The following PARD3B variants were observed in gnomAD, a reference collection of about 807,000 sequenced individuals.
PARD3B encodes par-3 family cell polarity regulator beta.
PARD3B carries 103 observed loss-of-function variants against 130.2 expected under a neutral mutation model. The ratio of observed to expected loss-of-function variants is 0.79; its 90% CI spans 0.67 to 0.93. PARD3B has a LOEUF of 0.93. Ranked by LOEUF, PARD3B falls within the 40% of genes least tolerant of loss-of-function variation. The pLI is 0.00. For missense variants in PARD3B, 1,609 were observed against 1,499.2 expected, an observed-to-expected ratio of 1.07 and a Z score of -1.21; for synonymous variants, 583 against 553.2, an observed-to-expected ratio of 1.05 and a Z score of -0.76.
chr2:205,380,956 A>ATATAATATATAATG (rs2045387914), intron 18 of PARD3B, among the ~76,000 whole-genome samples: 1 of 94,196 alleles, frequency 1.1e-5, no homozygotes, highest in Non-Finnish European at 1.9e-5. Context: ...TATATAATGT[A>ATATAATATATAATG]TATAATATCT....
intron 15 of PARD3B, among the ~76,000 whole-genome samples, chr2:205,240,077 A>T (rs1176377147): frequency 2.6e-5 from 4 of 152,204 alleles, no homozygotes; most frequent in South Asian, 4.1e-4. Context: ...TCATTGACAT[A>T]CGAAAACACT....
chr2:204,972,764 G>A (rs1405582134), intron 3 of PARD3B, among the ~76,000 whole-genome samples: 1 of 152,028 alleles, frequency 6.6e-6, no homozygotes, highest in Admixed American at 6.5e-5. Context: ...ACCAATGCTG[G>A]ACCCACACTG....
At chr2:205,221,897 A>G (rs190816897) in intron 15 of PARD3B, among the ~76,000 whole-genome samples, 1 of 152,264 alleles carries the variant, frequency 6.6e-6, no homozygotes, top group Admixed American at 6.5e-5. Flanking sequence ...AATTATTTTT[A>G]AAAACATTAT....
chr2:205,410,423 T>C (rs2046557275), intron 19 of PARD3B, among the ~76,000 whole-genome samples: 1 of 152,202 alleles, frequency 6.6e-6, no homozygotes, highest in African/African-American at 2.4e-5. Context: ...TTATTCATTT[T>C]CGTGGCATTG....
intron 1 of PARD3B, among the ~76,000 whole-genome samples, chr2:204,592,977 G>A (rs2033138839): frequency 6.6e-6 from 1 of 152,178 alleles, no homozygotes; most frequent in African/African-American, 2.4e-5. Context: ...TTTTATGGCT[G>A]AATAAATTCT....
intron 3 of PARD3B, among the ~76,000 whole-genome samples, chr2:205,012,056 T>A (rs1306294993): frequency 6.6e-6 from 1 of 152,146 alleles, no homozygotes; most frequent in Non-Finnish European, 1.5e-5. Context: ...CCCCAATTCC[T>A]GAGCTTTCCT....
chr2:204,667,570 T>G (rs1471934199), intron 1 of PARD3B, among the ~76,000 whole-genome samples: 2 of 152,130 alleles, frequency 1.3e-5, no homozygotes, highest in Non-Finnish European at 2.9e-5. Flanking sequence ...GACTCACATT[T>G]TCCACCTTCC....
intron 1 of PARD3B, among the ~76,000 whole-genome samples, chr2:204,670,645 A>G (rs969912830): frequency 6.6e-6 from 1 of 152,190 alleles, no homozygotes; most frequent in Non-Finnish European, 1.5e-5. Context: ...TTATAGCTAT[A>G]ACTCAAGCTA....
At chr2:204,917,737 T>C (rs1009706147) in intron 2 of PARD3B, among the ~76,000 whole-genome samples, 4 of 152,222 alleles carry the variant, frequency 2.6e-5, no homozygotes, top group African/African-American at 9.7e-5. Flanking sequence ...GTATTTTCCT[T>C]TTATTCAGAG....
chr2:204,702,702 G>A (rs1240841334), intron 2 of PARD3B, among the ~76,000 whole-genome samples: 1 of 152,040 alleles, frequency 6.6e-6, no homozygotes, highest in African/African-American at 2.4e-5. Context: ...AGCCTCACAA[G>A]TAGCTGGGAT....
chr2:204,907,274 G>A lies in PARD3B; in HGVS notation c.223-57878G>A, dbSNP rs1226594477. ...GGATTACCATGAAAGCTTTTATTTA[G>A]CAACTGGGAAAGTACCTGTGGAGGA... On this transcript the variant is annotated intron_variant, in intron 2 of 22. Coordinates refer to ENST00000406610, the MANE Select transcript of PARD3B (RefSeq NM_001302769.2). This position sits in a 1 kb window ranked among gnomAD's most constrained non-coding sequence, Gnocchi z 5.7. 6.6e-6 allele frequency among the ~76,000 whole-genome samples: 1 copy of A among 152,108 alleles called. No homozygotes were observed. Among genetic ancestry groups the A allele is most frequent in the Non-Finnish European group, 1.5e-5 (1 of 68,010 alleles).
At chr2:204,948,500 A>G (rs1488764533) in intron 2 of PARD3B, among the ~76,000 whole-genome samples, 2 of 152,196 alleles carry the variant, frequency 1.3e-5, no homozygotes, top group African/African-American at 4.8e-5. Context: ...AGATTTGACT[A>G]GATAAATGGG....
In PARD3B at chr2:205,229,426, T is replaced by C. The variant is rs904835840; in HGVS notation, c.2141-16352T>C. Among the ~76,000 whole-genome samples, 8 of 152,218 alleles carry C rather than the reference T, an allele frequency of 5.3e-5. No individual in the cohort carries two copies. The highest frequency in any genetic ancestry group is 1.0e-4 in the Non-Finnish European group (7 of 68,024). ...TTGTAGAGGTGCCATGTTGGTGGTC[T>C]TGGATAAGATCTGGGAGAATTAATT... On this transcript the variant is annotated intron_variant, in intron 15 of 22. Transcript: ENST00000406610. This position sits in a 1 kb window ranked among gnomAD's most constrained non-coding sequence, Gnocchi z 5.2.
chr2:205,183,509 G>C lies in PARD3B; in HGVS notation c.1925-2255G>C, dbSNP rs746258783. ...GCTGCCACCACTAACAAATCAATGG[G>C]CCCCTAGGGTTGGAGGTGGTGCAGG... is the stretch of plus-strand genomic sequence containing the variant. On this transcript the variant is annotated intron_variant, in intron 13 of 22. Transcript: ENST00000406610. The surrounding 1 kb of genome is among the most constrained non-coding windows in gnomAD (Gnocchi z 5.2). 6.6e-6 allele frequency among the ~76,000 whole-genome samples: 1 copy of C among 152,096 alleles called. No homozygotes were observed. Among genetic ancestry groups the C allele is most frequent in the South Asian group, 2.1e-4 (1 of 4,820 alleles).
At chr2:204,563,278 C>G (rs542623026) in intron 1 of PARD3B, among the ~76,000 whole-genome samples, 2 of 119,526 alleles carry the variant, frequency 1.7e-5, no homozygotes, top group South Asian at 5.5e-4. Flanking sequence ...TCTCTCTTCT[C>G]CCTTTATAAG....
intron 1 of PARD3B, among the ~76,000 whole-genome samples, chr2:204,681,012 T>C (rs1419187705): frequency 6.6e-6 from 1 of 152,170 alleles, no homozygotes; most frequent in African/African-American, 2.4e-5. Flanking sequence ...TTCTTCAATT[T>C]TTTGTTTCCT....
chr2:205,204,576 G>T (rs943962013), intron 15 of PARD3B, among the ~76,000 whole-genome samples: 1 of 152,096 alleles, frequency 6.6e-6, no homozygotes, highest in Non-Finnish European at 1.5e-5. Flanking sequence ...GGTTTTTATG[G>T]TTTTAGGCAT....
At chr2:204,648,205 T>C (rs1240653208) in intron 1 of PARD3B, among the ~76,000 whole-genome samples, 1 of 151,654 alleles carries the variant, frequency 6.6e-6, no homozygotes, top group Non-Finnish European at 1.5e-5. Context: ...CATTGGTTTA[T>C]CATGAGAATT....
intron 3 of PARD3B, among the ~76,000 whole-genome samples, chr2:205,024,750 C>T (rs1464775751): frequency 6.6e-6 from 1 of 152,104 alleles, no homozygotes; most frequent in Non-Finnish European, 1.5e-5. Flanking sequence ...GCAGATTATG[C>T]ATATCTTAAA....
Sources: allele counts gnomAD v4.1 joint callset (sites outside exome capture counted in the v4.1 genomes callset), GRCh38; gene constraint gnomAD v4.1.1; non-coding constraint Gnocchi (gnomAD v3.1); transcripts MANE v1.5; gene names NCBI Gene and HGNC (gene_info 2026-07-23, HGNC 2026-07-21).